The following COL12A1 variants were observed in gnomAD, a reference collection of about 807,000 sequenced individuals.
COL12A1 encodes collagen type XII alpha 1 chain, also known as collagen alpha-1(XII) chain.
A neutral mutation model predicts 349.7 loss-of-function variants in COL12A1; 114 were observed. The ratio of observed to expected loss-of-function variants is 0.33; its 90% CI spans 0.28 to 0.38. The LOEUF is 0.38. Ranked by LOEUF, COL12A1 falls within the 10% of genes least tolerant of loss-of-function variation. The pLI, the probability that COL12A1 is intolerant of heterozygous loss-of-function variation, is 1.00. For synonymous variants in COL12A1, 1,369 were observed against 1,329.0 expected, an observed-to-expected ratio of 1.03 and a Z score of -0.66; for missense variants, 3,284 against 3,756.9, an observed-to-expected ratio of 0.87 and a Z score of 3.29.
At chr6:75,138,214 GA>G in intron 30 of COL12A1, 105 bp downstream of exon 30, 2 of 1,182,842 alleles carry the variant, frequency 1.7e-6, no homozygotes, top group Non-Finnish European at 2.4e-6. Context: ...AACATCTTAG[GA>G]TTTAAAAGCA....
chr6:75,192,224 C>T lies in COL12A1; in HGVS notation c.322G>A (p.Gly108Arg). The change falls in exon 4 of 66, where the codon GGA becomes AGA. Residue 108 changes from glycine (G) to arginine (R), a missense_variant. Around this residue, in one of 2 missense-constraint regions of COL12A1, gnomAD observed 2,601 missense variants for 2,824.8 expected, o/e 0.92. Transcript: ENST00000322507. The part of the protein sequence containing the change: ...DEVEESVPVI[G>R]QLTIQTGSST... The stretch of plus-strand genomic sequence containing the variant: ...TATGTGTGCTTACTTGTTAGTTGTC[C>T]TATAACTGGTACACTTTCTTCTACT... The T allele has an allele frequency of 6.3e-7, 1 of 1,594,892 alleles. No homozygotes were observed. Among genetic ancestry groups the T allele is most frequent in the Admixed American group, 1.7e-5 (1 of 58,558 alleles).
intron 39 of COL12A1, among the ~76,000 whole-genome samples, chr6:75,125,507 T>C (rs1437047853): frequency 6.6e-6 from 1 of 152,136 alleles, no homozygotes; most frequent in Non-Finnish European, 1.5e-5. Flanking sequence ...TGGAATATAG[T>C]AGGTATATAA....
At chr6:75,148,320 A>T in intron 22 of COL12A1, 38 bp downstream of exon 22, 1 of 1,590,848 alleles carries the variant, frequency 6.3e-7, no homozygotes, top group Non-Finnish European at 8.6e-7. Context: ...CCCAATCTCA[A>T]CATCAGGAAG....
chr6:75,110,430 A>T (rs968005878), intron 51 of COL12A1, among the ~76,000 whole-genome samples: 1 of 152,078 alleles, frequency 6.6e-6, no homozygotes, highest in African/African-American at 2.4e-5. Flanking sequence ...ACTGCAGTTT[A>T]AACAAATGCA....
intron 2 of COL12A1, among the ~76,000 whole-genome samples, chr6:75,199,298 C>T (rs539977961): frequency 3.4e-4 from 51 of 152,024 alleles, no homozygotes; most frequent in African/African-American, 8.9e-4. Flanking sequence ...ATTTGGAAAA[C>T]GAGAGAAGTA....
intron 63 of COL12A1, 22 bp from the exon 64 acceptor site, chr6:75,089,196 A>G: frequency 6.4e-7 from 1 of 1,568,248 alleles, no homozygotes. Context: ...GAAAAAGAGA[A>G]AGCACAGGGG....
intron 23 of COL12A1, among the ~76,000 whole-genome samples, chr6:75,146,864 A>G (rs1052755417): frequency 2.6e-5 from 4 of 152,328 alleles, no homozygotes; most frequent in Middle Eastern, 3.4e-3. Flanking sequence ...CTCACCTCCT[A>G]TAGTCTAATA....
At chr6:75,162,333 C>T (rs1300348471) in intron 14 of COL12A1, among the ~76,000 whole-genome samples, 2 of 152,134 alleles carry the variant, frequency 1.3e-5, no homozygotes, top group Non-Finnish European at 2.9e-5. Context: ...TGGAACAGAA[C>T]AGAGGCCTCA....
At chr6:75,192,129 T>C in intron 4 of COL12A1, 83 bp downstream of exon 4, 1 of 1,125,346 alleles carries the variant, frequency 8.9e-7, no homozygotes, top group Non-Finnish European at 1.2e-6. Flanking sequence ...TAACTTTGTA[T>C]CATAAAAGAT....
intron 44 of COL12A1, among the ~76,000 whole-genome samples, chr6:75,119,866 AT>A (rs1409861749): frequency 6.6e-6 from 1 of 152,150 alleles, no homozygotes; most frequent in African/African-American, 2.4e-5. Flanking sequence ...CCCACTGACT[AT>A]ATCCGTTCTT....
Position 75,195,713 on chromosome 6 carries a change from G to T in COL12A1, c.74-766C>A, listed in dbSNP as rs576713723. On this transcript the variant is annotated intron_variant, in intron 2 of 65. Transcript: ENST00000322507. ...TACACCAGCTTGCTGAATGTTCCAG[G>T]GTGTAAACCAACACTATTATTTCCT... 2.0e-5 allele frequency among the ~76,000 whole-genome samples: 3 copies of T among 152,044 alleles called. No individual in the cohort carries two copies. The East Asian group carries it at 5.8e-4, about 29-fold the overall frequency.
chr6:75,188,734 G>C (rs917376522), intron 7 of COL12A1, among the ~76,000 whole-genome samples, 199 bp from the exon 8 acceptor site: 5 of 152,118 alleles, frequency 3.3e-5, no homozygotes, highest in Non-Finnish European at 5.9e-5. Context: ...TTGACATATA[G>C]TGGTCAGCCA....
chr6:75,203,750 A>G (rs1386305083), intron 1 of COL12A1, among the ~76,000 whole-genome samples: 1 of 152,228 alleles, frequency 6.6e-6, no homozygotes, highest in East Asian at 1.9e-4. Context: ...GGAATCTCCT[A>G]AAATAGTCTA....
chr6:75,128,638 CCCAGATCAG>C (rs1250034096), intron 37 of COL12A1, among the ~76,000 whole-genome samples: 2 of 152,130 alleles, frequency 1.3e-5, no homozygotes, highest in Non-Finnish European at 2.9e-5. Context: ...GGGTTCAAAT[CCCAGATCAG>C]CCACTTAACA....
chr6:75,103,680 AC>A, intron 55 of COL12A1, 76 bp downstream of exon 55: 8 of 1,237,462 alleles, frequency 6.5e-6, no homozygotes, highest in South Asian at 1.2e-5. Context: ...AAGATCACAT[AC>A]CCCCTTTGTG....
intron 31 of COL12A1, among the ~76,000 whole-genome samples, chr6:75,136,619 T>G (rs1417094025): frequency 1.3e-5 from 2 of 152,324 alleles, no homozygotes; most frequent in African/African-American, 4.8e-5. Flanking sequence ...TAAGAAAATA[T>G]TCTAGCCAAA....
chr6:75,150,853 A>C (rs992534815), intron 21 of COL12A1, among the ~76,000 whole-genome samples: 4 of 152,120 alleles, frequency 2.6e-5, no homozygotes, highest in Admixed American at 6.6e-5. Flanking sequence ...GCTAGAAGTC[A>C]TTGAGGTGCC....
intron 5 of COL12A1, 143 bp downstream of exon 5, chr6:75,191,558 T>C (rs1012347579): frequency 4.5e-6 from 2 of 445,706 alleles, no homozygotes; most frequent in African/African-American, 2.0e-5. Flanking sequence ...ATTATTCTTA[T>C]ATTGTCTGTG....
At chr6:75,116,104 C>G (rs776813043) in intron 47 of COL12A1, 47 bp from the exon 48 acceptor site, 1 of 1,568,750 alleles carries the variant, frequency 6.4e-7, no homozygotes, top group South Asian at 1.1e-5. Context: ...ACACGATGTA[C>G]AAATTATATA....
Sources: gnomAD v4.1 joint callset for allele counts (sites outside exome capture counted in the v4.1 genomes callset) on GRCh38, gnomAD v4.1.1 for gene constraint, gnomAD v4.1.1 regional missense constraint, MANE v1.5 for transcripts, NCBI Gene and HGNC (gene_info 2026-07-23, HGNC 2026-07-21) for gene names.